ZC3H13: variants seen among roughly 807,000 people sequenced by gnomAD.
ZC3H13 encodes the protein zinc finger CCCH-type containing 13.
In ZC3H13, 64 loss-of-function variants were observed where a neutral mutation model predicts 204.1. The observed-to-expected ratio is 0.31, with a 90% CI of 0.26 to 0.39. ZC3H13 has a LOEUF of 0.39. Among genes scored for constraint, ZC3H13 ranks in the 10% least tolerant of loss-of-function variants. The pLI is 1.00. For synonymous variants in ZC3H13, 667 were observed against 693.7 expected, an observed-to-expected ratio of 0.96 and a Z score of 0.60; for missense variants, 1,833 against 2,082.7, an observed-to-expected ratio of 0.88 and a Z score of 2.33.
chr13:46,030,010 A>T (rs2042793358), intron 4 of ZC3H13, among the ~76,000 whole-genome samples: 2 of 152,294 alleles, frequency 1.3e-5, no homozygotes, highest in African/African-American at 4.8e-5. Context: ...TAGCAAATCA[A>T]ATCCCACAAT....
In ZC3H13 at chr13:45,964,008, A is replaced by C; in HGVS notation, c.4509T>G (p.Gly1503=). The change falls in exon 17 of 19, where the codon GGT becomes GGG. Residue 1503 remains glycine, a synonymous_variant. Transcript: ENST00000679008. ...GTTCTTTTGGATGCTTTGGCATAAG[A>C]CCAGACCAATCCACATCTATCACAT... ...PLDVIDVDWS[G]LMPKHPKEPR... 1 of 1,614,128 alleles carries C rather than the reference A, an allele frequency of 6.2e-7. No individual in the cohort carries two copies. The highest frequency in any genetic ancestry group is 8.5e-7 in the Non-Finnish European group (1 of 1,179,994).
At chr13:45,970,800 T>C (rs144141935) in intron 12 of ZC3H13, among the ~76,000 whole-genome samples, 2 of 152,268 alleles carry the variant, frequency 1.3e-5, no homozygotes, top group East Asian at 3.9e-4. Flanking sequence ...ATATAAACAT[T>C]CAGCAATTTT....
chr13:45,998,363 A>T (rs2040491168), intron 8 of ZC3H13, among the ~76,000 whole-genome samples: 1 of 152,102 alleles, frequency 6.6e-6, no homozygotes, highest in Admixed American at 6.5e-5. Flanking sequence ...AAAAAAGTAC[A>T]GGCCGGGCGC....
intron 4 of ZC3H13, among the ~76,000 whole-genome samples, chr13:46,038,116 G>C (rs1373438396): frequency 6.6e-6 from 1 of 152,168 alleles, no homozygotes; most frequent in Non-Finnish European, 1.5e-5. Context: ...TTGCTAAACT[G>C]TGAGTTTGGC....
intron 4 of ZC3H13, among the ~76,000 whole-genome samples, chr13:46,034,781 C>T (rs2043110283): frequency 6.6e-6 from 1 of 151,706 alleles, no homozygotes; most frequent in Non-Finnish European, 1.5e-5. Flanking sequence ...GGATCCAATA[C>T]AAAGATCACC....
rs77057223 is a variant in ZC3H13 at position 46,031,381 on chromosome 13, T to G, written c.339+10783A>C. Reference sequence around the variant, plus strand: ...GAGAGTATCTAGATGACCTTGGGTATGGCAATGACATCTTAGACACATCAT... The same window carrying G: ...GAGAGTATCTAGATGACCTTGGGTAGGGCAATGACATCTTAGACACATCAT... On this transcript the variant is annotated intron_variant, in intron 4 of 18. Coordinates refer to ENST00000679008, the MANE Select transcript of ZC3H13 (RefSeq NM_001330564.2). Among the ~76,000 whole-genome samples the G allele has an allele frequency of 2.6e-5, 4 of 152,158 alleles. No homozygotes were observed. In the East Asian group the frequency reaches 7.7e-4, roughly 29 times the overall value.
intron 4 of ZC3H13, among the ~76,000 whole-genome samples, chr13:46,036,448 G>C (rs544672925): frequency 6.6e-6 from 1 of 152,198 alleles, no homozygotes; most frequent in South Asian, 2.1e-4. Context: ...TGATCTGTTT[G>C]AAGGTAAGCA....
chr13:45,995,493 C>T (rs1164254412), intron 8 of ZC3H13, among the ~76,000 whole-genome samples: 1 of 152,166 alleles, frequency 6.6e-6, no homozygotes, highest in Non-Finnish European at 1.5e-5. Context: ...ACAAGCCTTT[C>T]GTAAGCTTAG....
chr13:45,976,254 AGAACATAGGAGCT>A, intron 11 of ZC3H13: 1 of 985,352 alleles, frequency 1.0e-6, no homozygotes, highest in Non-Finnish European at 1.2e-6. Context: ...CAGGAGGTGT[AGAACATAGGAGCT>A]GAAGGAAAAA....
chr13:46,047,346 A>G (rs2044042006), intron 1 of ZC3H13, among the ~76,000 whole-genome samples: 1 of 152,192 alleles, frequency 6.6e-6, no homozygotes, highest in Admixed American at 6.5e-5. Context: ...TTTTAAAAAC[A>G]GAATTACTTC....
intron 8 of ZC3H13, chr13:46,001,208 C>G (rs1436112399): frequency 1.3e-5 from 2 of 152,142 alleles, no homozygotes; most frequent in Non-Finnish European, 2.9e-5. Flanking sequence ...GCAGGGATGC[C>G]ACAAACCTTC....
At chr13:45,972,754 T>C (rs1952691540) in intron 12 of ZC3H13, among the ~76,000 whole-genome samples, 1 of 152,206 alleles carries the variant, frequency 6.6e-6, no homozygotes, top group Admixed American at 6.5e-5. Flanking sequence ...TTTCCCCATT[T>C]TTCATATCTA....
intron 9 of ZC3H13, among the ~76,000 whole-genome samples, chr13:45,986,556 A>T (rs919927749): frequency 1.3e-5 from 2 of 152,258 alleles, no homozygotes; most frequent in African/African-American, 4.8e-5. Flanking sequence ...TAGAGGCCCA[A>T]AACTTAGATG....
At chr13:46,010,183 C>T (rs1593659574) in intron 7 of ZC3H13, 165 bp downstream of exon 7, 1 of 627,760 alleles carries the variant, frequency 1.6e-6, no homozygotes, top group Admixed American at 3.7e-5. Context: ...TTATTGTTCT[C>T]TATAATTGTC....
At chr13:46,050,615 T>C (rs2044336708) in intron 1 of ZC3H13, among the ~76,000 whole-genome samples, 1 of 152,186 alleles carries the variant, frequency 6.6e-6, no homozygotes, top group Admixed American at 6.5e-5. Flanking sequence ...TTCATATTTT[T>C]AGAAAGAAAA....
intron 4 of ZC3H13, among the ~76,000 whole-genome samples, chr13:46,031,036 G>C (rs1025362507): frequency 2.4e-4 from 36 of 152,178 alleles, no homozygotes; most frequent in African/African-American, 8.4e-4. Context: ...TTCCTATAAA[G>C]CTATAGCAAT....
At chr13:45,983,881 A>C (rs1953935603) in intron 10 of ZC3H13, among the ~76,000 whole-genome samples, 1 of 152,208 alleles carries the variant, frequency 6.6e-6, no homozygotes. Context: ...AACATCATTT[A>C]AATGTAAGAT....
intron 10 of ZC3H13, 64 bp from the exon 11 acceptor site, chr13:45,980,068 C>T (rs1478681953): frequency 7.1e-7 from 1 of 1,399,104 alleles, no homozygotes; most frequent in Non-Finnish European, 9.6e-7. Context: ...TTTCATCAGT[C>T]ATAATCTTTC....
At chr13:45,980,289 AC>A (rs1364275662) in intron 10 of ZC3H13, among the ~76,000 whole-genome samples, 1 of 152,182 alleles carries the variant, frequency 6.6e-6, no homozygotes, top group African/African-American at 2.4e-5. Context: ...CCCAAAAAAA[AC>A]AAAAAATAAA....
Sources: gnomAD v4.1 joint callset for allele counts (sites outside exome capture counted in the v4.1 genomes callset) on GRCh38, gnomAD v4.1.1 for gene constraint, MANE v1.5 for transcripts, NCBI Gene and HGNC (gene_info 2026-07-23, HGNC 2026-07-21) for gene names.